RBFOX3: variants seen among roughly 807,000 people sequenced by gnomAD.
RBFOX3 encodes the protein RNA binding protein fox-1 homolog 3.
A neutral mutation model predicts 48.7 loss-of-function variants in RBFOX3; 17 were observed. The ratio of observed to expected loss-of-function variants is 0.35; its 90% confidence interval spans 0.24 to 0.52. The LOEUF is 0.52. RBFOX3 is among the 20% of genes least tolerant of loss of function. RBFOX3 has a pLI of 0.94. For missense variants in RBFOX3, 382 were observed against 497.5 expected, an observed-to-expected ratio of 0.77 and a Z score of 2.21; for synonymous variants, 212 against 209.5, an observed-to-expected ratio of 1.01 and a Z score of -0.10.
At chr17:79,397,331 T>A (rs1387937312) in intron 2 of RBFOX3, among the ~76,000 whole-genome samples, 7 of 151,244 alleles carry the variant, frequency 4.6e-5, no homozygotes, top group Non-Finnish European at 7.4e-5. Flanking sequence ...AAATAAAAAA[T>A]TTAAAAAAAA....
intron 4 of RBFOX3, among the ~76,000 whole-genome samples, chr17:79,123,181 A>G (rs2036219657): frequency 6.6e-6 from 1 of 152,162 alleles, no homozygotes; most frequent in Admixed American, 6.5e-5. Flanking sequence ...TAATAACTTA[A>G]TTGTACACTT....
At chr17:79,336,794 G>A (rs1408303192) in intron 2 of RBFOX3, among the ~76,000 whole-genome samples, 1 of 152,180 alleles carries the variant, frequency 6.6e-6, no homozygotes, top group Non-Finnish European at 1.5e-5. Flanking sequence ...GGTGGCTGAT[G>A]GCCTTCAGGA....
intron 1 of RBFOX3, among the ~76,000 whole-genome samples, chr17:79,537,616 G>A (rs2089029900): frequency 6.6e-6 from 1 of 152,094 alleles, no homozygotes; most frequent in South Asian, 2.1e-4. Context: ...CCCGCCCACA[G>A]GTCCTGTTTC....
At chr17:79,456,367 G>A (rs112669288) in intron 2 of RBFOX3, among the ~76,000 whole-genome samples, 2,567 of 151,320 alleles carry the variant, frequency 0.017, 91 homozygotes, top group African/African-American at 0.059. Context: ...GGAGCATCCC[G>A]TGTGCTGTAG....
intron 2 of RBFOX3, among the ~76,000 whole-genome samples, chr17:79,398,943 T>C (rs1165375715): frequency 2.0e-5 from 3 of 152,158 alleles, no homozygotes; most frequent in African/African-American, 7.2e-5. Flanking sequence ...CAGGTAAAGA[T>C]GAGGTCATAG....
upstream of RBFOX3, among the ~76,000 whole-genome samples, chr17:79,611,088 C>T (rs1281516373): frequency 6.9e-6 from 1 of 145,286 alleles, no homozygotes; most frequent in Non-Finnish European, 1.5e-5. Context: ...CTTCCCTCGC[C>T]TCCTCTCTCT....
intron 4 of RBFOX3, among the ~76,000 whole-genome samples, chr17:79,167,798 C>A (rs2145597414): frequency 6.6e-6 from 1 of 152,350 alleles, no homozygotes; most frequent in East Asian, 1.9e-4. Flanking sequence ...GAGCACGGGG[C>A]CTGGAGGTGC....
rs1019332309 is a variant in RBFOX3, at chr17:79,566,502, G to T, written c.-320+44324C>A. ...CTGTGCATCCTGGGGTGGGCCAGGG[G>T]ACGGGGGAAGAGCTGAGGTCCACAG... On this transcript the variant is annotated intron_variant, in intron 1 of 14. Coordinates refer to ENST00000693108, the MANE Select transcript of RBFOX3 (RefSeq NM_001350451.2). 1.3e-4 allele frequency among the ~76,000 whole-genome samples: 20 copies of T among 152,330 alleles called. No individual in the cohort carries two copies. In the East Asian group the frequency reaches 3.9e-3, roughly 29 times the overall value.
chr17:79,368,580 C>T (rs1378019026), intron 2 of RBFOX3, among the ~76,000 whole-genome samples: 8 of 152,210 alleles, frequency 5.3e-5, no homozygotes, highest in Non-Finnish European at 8.8e-5. Context: ...GGGTGGGTGA[C>T]CTCATGTTGC....
intron 3 of RBFOX3, among the ~76,000 whole-genome samples, chr17:79,281,649 G>A (rs948363551): frequency 6.6e-5 from 10 of 152,298 alleles, no homozygotes; most frequent in South Asian, 2.1e-4. Context: ...TCTCTGCACC[G>A]CTAGCCCATT....
chr17:79,392,861 A>G lies in RBFOX3; in HGVS notation c.-174-85037T>C, dbSNP rs2061519914. On this transcript the variant is annotated intron_variant, in intron 2 of 14. Transcript: ENST00000693108. The surrounding 1 kb of genome is among the most constrained non-coding windows in gnomAD (Gnocchi z 5.0). ...TGCTGACTGAGACACTGACTCCTGCAGAGCTTCTCTGAGGAGAAAGGATTC... is the reference window on the plus strand; with the variant it reads ...TGCTGACTGAGACACTGACTCCTGCGGAGCTTCTCTGAGGAGAAAGGATTC... 6.6e-6 allele frequency among the ~76,000 whole-genome samples: 1 copy of G among 152,246 alleles called. No individual in the cohort carries two copies. The highest frequency in any genetic ancestry group is 2.1e-4 in the South Asian group (1 of 4,830).
At chr17:79,475,899 A>G (rs2077672180) in intron 2 of RBFOX3, among the ~76,000 whole-genome samples, 1 of 152,124 alleles carries the variant, frequency 6.6e-6, no homozygotes, top group African/African-American at 2.4e-5. Context: ...TGCCCTCCTG[A>G]TTTTGGATCC....
intron 1 of RBFOX3, among the ~76,000 whole-genome samples, chr17:79,543,297 AG>A (rs1449045189): frequency 3.9e-5 from 6 of 152,170 alleles, no homozygotes; most frequent in African/African-American, 1.4e-4. Flanking sequence ...ACATCTTCAG[AG>A]CTCTGCGAGG....
At chr17:79,494,353 T>G (rs1265990718) in intron 1 of RBFOX3, among the ~76,000 whole-genome samples, 1 of 152,026 alleles carries the variant, frequency 6.6e-6, no homozygotes, top group Non-Finnish European at 1.5e-5. Flanking sequence ...CCACCCTTCC[T>G]CCCCGAGCTG....
intron 1 of RBFOX3, among the ~76,000 whole-genome samples, chr17:79,560,440 T>C (rs2092135483): frequency 6.6e-6 from 1 of 152,208 alleles, no homozygotes; most frequent in South Asian, 2.1e-4. Context: ...TACTTCTCCT[T>C]GACTGTAGCC....
Position 79,256,196 on chromosome 17 carries a change from A to G in RBFOX3, c.-73-20391T>C, listed in dbSNP as rs138260242. On this transcript the variant is annotated intron_variant, in intron 3 of 14. Coordinates refer to ENST00000693108, the MANE Select transcript of RBFOX3 (RefSeq NM_001350451.2). The stretch of plus-strand genomic sequence containing the variant: ...AGCTGTGGAGGTCAAGAGCCTCATC[A>G]CTCCCTCTTAGCTCTGCTCCTTCCT... Among the ~76,000 whole-genome samples, 67 of 150,300 alleles carry G rather than the reference A, an allele frequency of 4.5e-4. No individual in the cohort carries two copies. In the East Asian group the frequency reaches 0.013, roughly 28 times the overall value.
intron 2 of RBFOX3, among the ~76,000 whole-genome samples, chr17:79,340,059 G>A (rs1298745333): frequency 1.3e-5 from 2 of 152,154 alleles, no homozygotes; most frequent in Non-Finnish European, 2.9e-5. Context: ...AGCACTTTGG[G>A]AGGCCAAGGC....
intron 2 of RBFOX3, among the ~76,000 whole-genome samples, chr17:79,318,728 G>A (rs1048438199): frequency 2.6e-5 from 4 of 151,716 alleles, no homozygotes; most frequent in African/African-American, 7.3e-5. Context: ...GGTGGTGGGC[G>A]CCTGCAGTCC....
At chr17:79,294,717 G>A (rs987608787) in intron 3 of RBFOX3, among the ~76,000 whole-genome samples, 5 of 152,182 alleles carry the variant, frequency 3.3e-5, no homozygotes, top group African/African-American at 9.7e-5. Flanking sequence ...GCCGAACTCC[G>A]GACTGGGGGC....
Sources: gnomAD v4.1 joint callset for allele counts (sites outside exome capture counted in the v4.1 genomes callset) on GRCh38, gnomAD v4.1.1 for gene constraint, Gnocchi (gnomAD v3.1) non-coding constraint, MANE v1.5 for transcripts, NCBI Gene and HGNC (gene_info 2026-07-23, HGNC 2026-07-21) for gene names.